PMEPA1: variants seen among roughly 807,000 people sequenced by gnomAD.
PMEPA1 encodes prostate transmembrane protein, androgen induced 1, also known as protein TMEPAI.
PMEPA1 carries 11 observed loss-of-function variants against 23.0 expected under a neutral mutation model. The observed-to-expected ratio is 0.48, with a 90% CI of 0.30 to 0.79. The LOEUF (loss-of-function observed/expected upper bound fraction) is 0.79, where lower values mean the gene tolerates loss of function less well. Ranked by LOEUF, PMEPA1 falls within the 30% of genes least tolerant of loss-of-function variation. PMEPA1 has a pLI of 0.06. For synonymous variants in PMEPA1, 204 were observed against 166.4 expected, an observed-to-expected ratio of 1.23 and a Z score of -1.74; for missense variants, 377 against 390.9, an observed-to-expected ratio of 0.96 and a Z score of 0.30.
chr20:57,684,439 C>T (rs2071771821), intron 1 of PMEPA1, among the ~76,000 whole-genome samples: 1 of 152,120 alleles, frequency 6.6e-6, no homozygotes, highest in Non-Finnish European at 1.5e-5. Flanking sequence ...TGTGTAGCTG[C>T]CTAAGAAGGA....
intron 1 of PMEPA1, among the ~76,000 whole-genome samples, chr20:57,666,474 C>T (rs537723842): frequency 6.6e-6 from 1 of 152,284 alleles, no homozygotes; most frequent in East Asian, 1.9e-4. Flanking sequence ...CGCCAAAGAC[C>T]GCACAGTCCA....
intron 1 of PMEPA1, among the ~76,000 whole-genome samples, chr20:57,684,553 C>T (rs979263131): frequency 1.7e-4 from 26 of 152,184 alleles, no homozygotes; most frequent in Non-Finnish European, 4.4e-5. Flanking sequence ...TTGGCCTCTG[C>T]ACCGGTTCCT....
intron 1 of PMEPA1, among the ~76,000 whole-genome samples, chr20:57,684,558 G>T (rs2071774321): frequency 6.6e-6 from 1 of 152,206 alleles, no homozygotes; most frequent in Non-Finnish European, 1.5e-5. Flanking sequence ...CTCTGCACCG[G>T]TTCCTGTTGG....
Position 57,652,558 on chromosome 20 carries a change from GCCAGGCGGTCGGTGGGC to G in PMEPA1, c.342_358del (p.Pro115ArgfsTer75). On this transcript the variant is annotated frameshift_variant, in exon 4 of 4. Coordinates refer to ENST00000341744, the MANE Select transcript of PMEPA1 (RefSeq NM_020182.5). LOFTEE classifies it high-confidence loss of function. This position sits in a 1 kb window ranked among gnomAD's most constrained non-coding sequence, Gnocchi z 6.1. ...CTCCCGCTGGGCGAAGGGCGGCACG[GCCAGGCGGTCGGTGGGC>G]CGAGGCGGGGCGTAGACCTGCGGCT... 6.5e-7 allele frequency: 1 copy of G among 1,527,686 alleles called. No individual in the cohort carries two copies. Among genetic ancestry groups the G allele is most frequent in the South Asian group, 1.3e-5 (1 of 77,270 alleles). 94.6% of individuals were successfully genotyped at this position (1,527,686 alleles called of 1,614,324 possible). A position where few individuals can be genotyped will look rare whatever the true frequency, so the allele number is the denominator to read the frequency against.
rs1356780906 is a variant in PMEPA1, at chr20:57,660,426, A to C, written c.110-729T>G. ...ACACACACCCAACACTCCTACACAAATAACACCCCAACACGTACCCCTAAC... is the reference window on the plus strand; with the variant it reads ...ACACACACCCAACACTCCTACACAACTAACACCCCAACACGTACCCCTAAC... On this transcript the variant is annotated intron_variant, in intron 1 of 3. Transcript: ENST00000341744. 3.3e-5 allele frequency among the ~76,000 whole-genome samples: 5 copies of C among 150,406 alleles called. No homozygotes were observed. The East Asian group carries it at 9.7e-4, about 29-fold the overall frequency.
chr20:57,670,642 G>T (rs1294117077), intron 1 of PMEPA1, among the ~76,000 whole-genome samples: 1 of 152,164 alleles, frequency 6.6e-6, no homozygotes, highest in East Asian at 1.9e-4. Context: ...GTCTGAGCCT[G>T]TCAGGCTGGG....
intron 1 of PMEPA1, among the ~76,000 whole-genome samples, chr20:57,664,729 C>T (rs73616226): frequency 0.033 from 4,974 of 152,258 alleles, 157 homozygotes; most frequent in South Asian, 0.13. Context: ...CGCATCCCTC[C>T]CTCTCTCCAG....
chr20:57,701,128 T>C (rs1461035316), intron 1 of PMEPA1, among the ~76,000 whole-genome samples: 1 of 152,108 alleles, frequency 6.6e-6, no homozygotes, highest in East Asian at 1.9e-4. Context: ...TATTAGTTTA[T>C]GGCAGGCACT....
chr20:57,695,555 G>T (rs186050419), intron 1 of PMEPA1, among the ~76,000 whole-genome samples: 2 of 152,236 alleles, frequency 1.3e-5, no homozygotes, highest in African/African-American at 4.8e-5. Flanking sequence ...ATCTTTGGGA[G>T]GCTGAAGCAG....
Position 57,683,560 on chromosome 20 carries a change from T to C in PMEPA1, c.110-23863A>G, listed in dbSNP as rs7509049. ...TGGTGTTCTGGCCTGTGTGCGTGTGTGTGTGTGTGTGTGTGTGTGTGTGTT... is the reference window on the plus strand; with the variant it reads ...TGGTGTTCTGGCCTGTGTGCGTGTGCGTGTGTGTGTGTGTGTGTGTGTGTT... On this transcript the variant is annotated intron_variant, in intron 1 of 3. Transcript: ENST00000341744. This position sits in a 1 kb window ranked among gnomAD's most constrained non-coding sequence, Gnocchi z 4.3. Among the ~76,000 whole-genome samples the C allele has an allele frequency of 8.8e-3, 844 of 95,388 alleles. 2 individuals are homozygous for C. Among genetic ancestry groups the C allele is most frequent in the Non-Finnish European group, 0.011 (380 of 34,926 alleles). 62.6% of individuals were successfully genotyped at this position (95,388 alleles called of 152,430 possible).
chr20:57,663,315 G>C (rs1419499111), intron 1 of PMEPA1, among the ~76,000 whole-genome samples: 1 of 152,198 alleles, frequency 6.6e-6, no homozygotes, highest in Non-Finnish European at 1.5e-5. Flanking sequence ...AGAGGAGCAG[G>C]GTGGTGGCAG....
chr20:57,660,165 T>C (rs917628348), intron 1 of PMEPA1, among the ~76,000 whole-genome samples: 1 of 151,886 alleles, frequency 6.6e-6, no homozygotes, highest in Admixed American at 6.6e-5. Flanking sequence ...GAGGGAGCAG[T>C]TGGGAGGAGA....
chr20:57,710,556 A>C (rs1375511988), upstream of PMEPA1: 5 of 1,334,750 alleles, frequency 3.7e-6, no homozygotes, highest in Non-Finnish European at 5.2e-6. Context: ...ACCCGAACCC[A>C]AGGAGGACGA....
At chr20:57,705,413 G>C (rs1212000136) in intron 1 of PMEPA1, among the ~76,000 whole-genome samples, 3 of 152,192 alleles carry the variant, frequency 2.0e-5, no homozygotes, top group Non-Finnish European at 2.9e-5. Context: ...TGGGTGAAAA[G>C]TCCCAGGGTT....
intron 1 of PMEPA1, among the ~76,000 whole-genome samples, chr20:57,661,885 C>A (rs1267727689): frequency 6.6e-6 from 1 of 151,734 alleles, no homozygotes; most frequent in Non-Finnish European, 1.5e-5. Context: ...ACAGGTTTTC[C>A]AGAACTTCCC....
intron 1 of PMEPA1, among the ~76,000 whole-genome samples, chr20:57,664,137 C>A (rs944503023): frequency 6.6e-6 from 1 of 152,190 alleles, no homozygotes; most frequent in Non-Finnish European, 1.5e-5. Context: ...GGCACGCGCA[C>A]CGACCGTCCC....
rs6128124 is a variant in PMEPA1, at chr20:57,683,562, T to C, written c.110-23865A>G. Among the ~76,000 whole-genome samples the C allele has an allele frequency of 5.6e-4, 74 of 131,214 alleles. No individual in the cohort carries two copies. Among genetic ancestry groups the C allele is most frequent in the African/African-American group, 1.8e-3 (55 of 30,926 alleles). 86.1% of individuals were successfully genotyped at this position (131,214 alleles called of 152,430 possible). On this transcript the variant is annotated intron_variant, in intron 1 of 3. Coordinates refer to ENST00000341744, the MANE Select transcript of PMEPA1 (RefSeq NM_020182.5). This position sits in a 1 kb window ranked among gnomAD's most constrained non-coding sequence, Gnocchi z 4.3. ...GTGTTCTGGCCTGTGTGCGTGTGTG[T>C]GTGTGTGTGTGTGTGTGTGTGTTTC...
intron 1 of PMEPA1, among the ~76,000 whole-genome samples, chr20:57,705,760 C>T (rs1278369117): frequency 6.6e-6 from 1 of 152,194 alleles, no homozygotes; most frequent in Non-Finnish European, 1.5e-5. Flanking sequence ...ACAGTGGTCT[C>T]AGTAGGGGGC....
intron 1 of PMEPA1, among the ~76,000 whole-genome samples, chr20:57,690,076 A>G (rs2071856457): frequency 6.6e-6 from 1 of 152,194 alleles, no homozygotes; most frequent in Admixed American, 6.5e-5. Flanking sequence ...CATTTTATGG[A>G]TAAGGAGGAC....
Sources: gnomAD v4.1 joint callset for allele counts (sites outside exome capture counted in the v4.1 genomes callset) on GRCh38, gnomAD v4.1.1 for gene constraint, Gnocchi (gnomAD v3.1) non-coding constraint, MANE v1.5 for transcripts, NCBI Gene and HGNC (gene_info 2026-07-23, HGNC 2026-07-21) for gene names.